MEP1A: variants seen among roughly 807,000 people sequenced by gnomAD.
MEP1A encodes the protein meprin A subunit alpha, also known as N-benzoyl-L-tyrosyl-P-amino-benzoic acid hydrolase subunit alpha.
In MEP1A, 68 loss-of-function variants were observed where a neutral mutation model predicts 84.5. The ratio of observed to expected loss-of-function variants is 0.80; its 90% CI spans 0.66 to 0.98. The LOEUF is 0.98. Ranked by LOEUF, MEP1A falls within the 50% of genes least tolerant of loss-of-function variation. The pLI is 0.00. For synonymous variants in MEP1A, 337 were observed against 336.8 expected, an observed-to-expected ratio of 1.00 and a Z score of -0.01; for missense variants, 887 against 919.9, an observed-to-expected ratio of 0.96 and a Z score of 0.46.
intron 6 of MEP1A, among the ~76,000 whole-genome samples, chr6:46,812,179 A>G (rs2150746256): frequency 6.6e-6 from 1 of 152,012 alleles, no homozygotes; most frequent in South Asian, 2.1e-4. Flanking sequence ...GAGATTCTAT[A>G]TATTCCTGGT....
Position 46,819,670 on chromosome 6 carries a change from T to A in MEP1A, c.522T>A (p.Asp174Glu), listed in dbSNP as rs1437543298. The change falls in exon 7 of 14, where the codon GAT (aspartate) becomes GAA (glutamate). Residue 174 changes from aspartate to glutamate, a missense_variant. Physicochemically the swap from Asp to Glu is conservative, Grantham distance 45. Coordinates refer to ENST00000230588, the MANE Select transcript of MEP1A (RefSeq NM_005588.3). Reference sequence around the variant, plus strand: ...AGCAGTCAAGGACGGACCGGGATGATTATGTGAACATCTGGTGGGACCAAA... The same window carrying A: ...AGCAGTCAAGGACGGACCGGGATGAATATGTGAACATCTGGTGGGACCAAA... Reference protein sequence around the residue: ...YHEQSRTDRDDYVNIWWDQIL... With the variant: ...YHEQSRTDRDEYVNIWWDQIL... 1 of 1,613,990 alleles carries A rather than the reference T, an allele frequency of 6.2e-7. No individual in the cohort carries two copies. Among genetic ancestry groups the A allele is most frequent in the Non-Finnish European group, 8.5e-7 (1 of 1,179,944 alleles).
At chr6:46,804,793 G>C (rs1407673633) in intron 5 of MEP1A, among the ~76,000 whole-genome samples, 1 of 151,748 alleles carries the variant, frequency 6.6e-6, no homozygotes, top group Non-Finnish European at 1.5e-5. Flanking sequence ...ATGGAACACT[G>C]TTATCCTTCC....
chr6:46,814,174 T>C (rs547425072), intron 6 of MEP1A, among the ~76,000 whole-genome samples: 88 of 152,278 alleles, frequency 5.8e-4, no homozygotes, highest in Non-Finnish European at 1.0e-3. Context: ...CTCCTTCTTC[T>C]GGTACACCAA....
chr6:46,813,075 C>G (rs542760177), intron 6 of MEP1A, among the ~76,000 whole-genome samples: 1 of 151,956 alleles, frequency 6.6e-6, no homozygotes, highest in Admixed American at 6.6e-5. Context: ...TTAAAGTCCC[C>G]CACTGTTATT....
At chr6:46,817,812 A>G (rs887884757) in intron 6 of MEP1A, among the ~76,000 whole-genome samples, 11 of 152,196 alleles carry the variant, frequency 7.2e-5, no homozygotes, top group Admixed American at 3.9e-4. Context: ...AATCTGGGAA[A>G]CCTAATCACC....
intron 3 of MEP1A, 83 bp from the exon 4 acceptor site, chr6:46,798,507 TCAAAGATTTATAATGG>T: frequency 9.6e-7 from 1 of 1,042,920 alleles, no homozygotes; most frequent in Non-Finnish European, 1.5e-6. Flanking sequence ...AGATTAATAT[TCAAAGATTTATAATGG>T]CAAATACTAA....
the MEP1A span, among the ~76,000 whole-genome samples, chr6:46,845,961 T>C: frequency 9.2e-5 from 14 of 152,188 alleles, no homozygotes; most frequent in Non-Finnish European, 1.6e-4. Context: ...AGTTTGAAAA[T>C]TAAATAAAAT....
At chr6:46,804,475 G>A (rs895254241) in intron 5 of MEP1A, among the ~76,000 whole-genome samples, 8 of 150,110 alleles carry the variant, frequency 5.3e-5, no homozygotes, top group South Asian at 2.1e-4. Flanking sequence ...GCTTTATTTC[G>A]TCTATCCATC....
intron 5 of MEP1A, among the ~76,000 whole-genome samples, chr6:46,800,718 A>T (rs1767181516): frequency 6.6e-6 from 1 of 152,200 alleles, no homozygotes; most frequent in Non-Finnish European, 1.5e-5. Flanking sequence ...GAAATACACA[A>T]ATCAGTATAT....
At chr6:46,799,069 C>G in intron 4 of MEP1A, 37 bp from the exon 5 acceptor site, 1 of 1,399,024 alleles carries the variant, frequency 7.1e-7, no homozygotes, top group Non-Finnish European at 1.0e-6. Context: ...ACCTTGAGGA[C>G]TAGGCTTCCC....
intron 3 of MEP1A, 41 bp downstream of exon 3, chr6:46,793,757 T>G (rs1394046106): frequency 2.8e-6 from 4 of 1,412,834 alleles, no homozygotes; most frequent in Non-Finnish European, 4.0e-6. Flanking sequence ...TGAAATTACT[T>G]GAAACCCAGT....
intron 13 of MEP1A, among the ~76,000 whole-genome samples, chr6:46,837,576 G>A (rs980525921): frequency 2.0e-5 from 3 of 152,186 alleles, no homozygotes; most frequent in African/African-American, 7.2e-5. Flanking sequence ...GCCCTTAGAT[G>A]CCAGATTCCA....
chr6:46,829,894 G>A (rs1330940538), intron 10 of MEP1A, among the ~76,000 whole-genome samples: 1 of 152,066 alleles, frequency 6.6e-6, no homozygotes, highest in African/African-American at 2.4e-5. Flanking sequence ...CTGAGAAAAT[G>A]GATGGTTCAG....
chr6:46,801,468 T>A (rs1767196253), intron 5 of MEP1A, among the ~76,000 whole-genome samples: 1 of 151,986 alleles, frequency 6.6e-6, no homozygotes, highest in South Asian at 2.1e-4. Context: ...AATTATATTG[T>A]TTGTCTTTTT....
At chr6:46,845,647 T>C in the MEP1A span, among the ~76,000 whole-genome samples, 1 of 152,230 alleles carries the variant, frequency 6.6e-6, no homozygotes, top group African/African-American at 2.4e-5. Context: ...TCTCAATCTA[T>C]GGGTCTGTGG....
intron 10 of MEP1A, among the ~76,000 whole-genome samples, 188 bp from the exon 11 acceptor site, chr6:46,832,886 T>G (rs535784432): frequency 6.6e-6 from 1 of 152,250 alleles, no homozygotes; most frequent in East Asian, 1.9e-4. Context: ...AAAAAACAAT[T>G]TTTCCTTATT....
intron 10 of MEP1A, among the ~76,000 whole-genome samples, chr6:46,831,453 A>T (rs1285648364): frequency 6.6e-6 from 1 of 152,226 alleles, no homozygotes; most frequent in African/African-American, 2.4e-5. Context: ...TATAGAAGAC[A>T]ATTCTGAACT....
chr6:46,834,741 G>A lies in MEP1A; in HGVS notation c.1773G>A (p.Val591=), dbSNP rs1282722316. ...AAAATGATGACCTCATCATATTTGTGGACTTTGAAGGTACTTTTGTTGGTC... is the reference window on the plus strand; with the variant it reads ...AAAATGATGACCTCATCATATTTGTAGACTTTGAAGGTACTTTTGTTGGTC... ...FLKNDDLIIF[V]DFEDITHLSQ... The change falls in exon 12 of 14, where the codon GTG becomes GTA. Residue 591 remains valine, a synonymous_variant. Coordinates refer to ENST00000230588, the MANE Select transcript of MEP1A (RefSeq NM_005588.3). 1 of 1,610,110 alleles carries A rather than the reference G, an allele frequency of 6.2e-7. No individual in the cohort carries two copies. Among genetic ancestry groups the A allele is most frequent in the African/African-American group, 1.3e-5 (1 of 74,752 alleles).
At chr6:46,813,946 T>C (rs1278130116) in intron 6 of MEP1A, among the ~76,000 whole-genome samples, 1 of 152,192 alleles carries the variant, frequency 6.6e-6, no homozygotes, top group African/African-American at 2.4e-5. Flanking sequence ...TTTTCCTTTA[T>C]GAGTTACCTG....
Sources: gnomAD v4.1 joint callset for allele counts (sites outside exome capture counted in the v4.1 genomes callset) on GRCh38, gnomAD v4.1.1 for gene constraint, MANE v1.5 for transcripts, NCBI Gene and HGNC (gene_info 2026-07-23, HGNC 2026-07-21) for gene names.